TSPEAR: variants seen among roughly 807,000 people sequenced by gnomAD.
The protein encoded by TSPEAR is thrombospondin-type laminin G domain and EAR repeat-containing protein.
TSPEAR carries 69 observed loss-of-function variants against 71.6 expected under a neutral mutation model. The observed-to-expected ratio is 0.96, with a 90% CI of 0.79 to 1.18. The LOEUF is 1.18. Among genes scored for constraint, TSPEAR ranks in the 50% most tolerant of loss-of-function variants. TSPEAR has a pLI of 0.00. For missense variants in TSPEAR, 971 were observed against 894.9 expected, an observed-to-expected ratio of 1.09 and a Z score of -1.09; for synonymous variants, 402 against 387.2, an observed-to-expected ratio of 1.04 and a Z score of -0.45.
intron 1 of TSPEAR, chr21:44,677,533 G>T: frequency 2.4e-6 from 2 of 832,884 alleles, no homozygotes; most frequent in South Asian, 1.4e-5. Flanking sequence ...TCTTCACATG[G>T]TCGTTCCCTT....
At chr21:44,505,867 A>G (rs889709923) in intron 10 of TSPEAR, among the ~76,000 whole-genome samples, 2 of 152,068 alleles carry the variant, frequency 1.3e-5, no homozygotes, top group African/African-American at 4.8e-5. Context: ...TGCTATGAAC[A>G]CCGGGGTACA....
At chr21:44,569,365 C>T (rs917851952) in intron 1 of TSPEAR, among the ~76,000 whole-genome samples, 2 of 152,190 alleles carry the variant, frequency 1.3e-5, no homozygotes, top group Non-Finnish European at 2.9e-5. Flanking sequence ...TTACAAAAAC[C>T]GGATGTGACG....
intron 11 of TSPEAR, among the ~76,000 whole-genome samples, chr21:44,502,325 CA>C (rs1404054875): frequency 1.3e-5 from 2 of 152,162 alleles, no homozygotes; most frequent in Non-Finnish European, 2.9e-5. Flanking sequence ...GCTACATAAT[CA>C]ATTAGAACAC....
At chr21:44,590,652 G>A (rs587717681) in intron 1 of TSPEAR, among the ~76,000 whole-genome samples, 2 of 152,204 alleles carry the variant, frequency 1.3e-5, no homozygotes, top group African/African-American at 4.8e-5. Flanking sequence ...GTCCATAGCT[G>A]GTCTCCCCAG....
At position 44,538,966 on chromosome 21, in the gene TSPEAR, C is replaced by T. The variant is rs1688462449; in HGVS notation, c.304-5043G>A. 1.4e-5 allele frequency: 7 copies of T among 490,902 alleles called. No homozygotes were observed. The South Asian group carries it at 1.7e-4, about 12-fold the overall frequency. 30.4% of individuals were successfully genotyped at this position (490,902 alleles called of 1,614,324 possible). On this transcript the variant is annotated intron_variant, in intron 2 of 11. Transcript: ENST00000323084. The stretch of plus-strand genomic sequence containing the variant: ...CAAAACCATGTGTCCCCCAGGAACA[C>T]AACAGAAAAGAGAATCAGGTGACCA...
At chr21:44,524,058 ATCAG>A (rs1279914482) in intron 8 of TSPEAR, among the ~76,000 whole-genome samples, 8 of 151,158 alleles carry the variant, frequency 5.3e-5, no homozygotes, top group Non-Finnish European at 1.0e-4. Context: ...TCACTCAGTC[ATCAG>A]TCAGTCAGGT....
intron 2 of TSPEAR, among the ~76,000 whole-genome samples, chr21:44,563,733 A>C (rs2053669188): frequency 6.6e-6 from 1 of 152,220 alleles, no homozygotes; most frequent in Non-Finnish European, 1.5e-5. Context: ...AGGAAATAAT[A>C]TACCATTGTT....
intron 1 of TSPEAR, among the ~76,000 whole-genome samples, chr21:44,583,002 CTTTTT>C (rs35000802): frequency 3.0e-4 from 45 of 151,596 alleles, no homozygotes; most frequent in Non-Finnish European, 5.1e-4. Context: ...TTCTTTCTTT[CTTTTT>C]TTTTTTGTAT....
intron 2 of TSPEAR, among the ~76,000 whole-genome samples, chr21:44,542,091 A>G (rs1233895217): frequency 6.6e-6 from 1 of 152,236 alleles, no homozygotes; most frequent in Non-Finnish European, 1.5e-5. Flanking sequence ...TAGAGAACAA[A>G]TGGAGAATTT....
intron 1 of TSPEAR, among the ~76,000 whole-genome samples, chr21:44,660,423 G>C (rs1379943628): frequency 6.6e-6 from 1 of 152,162 alleles, no homozygotes; most frequent in Non-Finnish European, 1.5e-5. Context: ...AAGGACAAAG[G>C]TAGAGTTTAC....
In TSPEAR at chr21:44,689,712, A is replaced by ATATATATGTATATATATATATATATATAT. The variant is rs1555949491; in HGVS notation, c.82+21720_82+21721insATATATATATATATATATATACATATATA. Among the ~76,000 whole-genome samples the ATATATATGTATATATATATATATATATAT allele has an allele frequency of 2.3e-4, 14 of 62,036 alleles. 1 individual carries two copies. Among genetic ancestry groups the ATATATATGTATATATATATATATATATAT allele is most frequent in the Non-Finnish European group, 3.7e-4 (13 of 35,142 alleles). The allele number at this position is 62,036 out of a possible 152,430, so 40.7% of individuals were successfully genotyped here. A position where few individuals can be genotyped will look rare whatever the true frequency, so the allele number is the denominator to read the frequency against. On this transcript the variant is annotated intron_variant, in intron 1 of 11. Coordinates refer to ENST00000323084, the MANE Select transcript of TSPEAR (RefSeq NM_144991.3). Reference sequence around the variant, plus strand: ...TCCCTTAGAGGGACAGAATAGAATGAATATATATATATATATATATATATA... The same window carrying ATATATATGTATATATATATATATATATAT: ...TCCCTTAGAGGGACAGAATAGAATGATATATATGTATATATATATATATATATATATATATATATATATATATATATATA...
In TSPEAR at chr21:44,531,036, T is replaced by C. The variant is rs782650545; in HGVS notation, c.633+7A>G. 3.7e-6 allele frequency: 6 copies of C among 1,612,566 alleles called. No individual in the cohort carries two copies. In the Admixed American group the frequency reaches 1.0e-4, roughly 27 times the overall value. ...GGGTGTTGGGAAGGCAGCCCCTCCA[T>C]ACTCGCCATGAACAGGCCTTTGGCT... On this transcript the variant is annotated splice_region_variant and intron_variant, in intron 4 of 11. Transcript: ENST00000323084.
At position 44,499,791 on chromosome 21, in the gene TSPEAR, T is replaced by TC; in HGVS notation, c.2001dup (p.Thr668AspfsTer26). On this transcript the variant is annotated frameshift_variant, in exon 12 of 12. Coordinates refer to ENST00000323084, the MANE Select transcript of TSPEAR (RefSeq NM_144991.3). LOFTEE classifies it high-confidence loss of function. ...GCCGGGCAGCCGCGGCCTCAGCGTG[T>TC]CCTCAGCCGCAGGACCCTGGAGAGG... The TC allele has an allele frequency of 6.4e-7, 1 of 1,567,952 alleles. No homozygotes were observed. Among genetic ancestry groups the TC allele is most frequent in the East Asian group, 2.4e-5 (1 of 41,982 alleles).
intron 1 of TSPEAR, among the ~76,000 whole-genome samples, chr21:44,590,556 G>A (rs1228606492): frequency 2.6e-5 from 4 of 152,318 alleles, no homozygotes; most frequent in African/African-American, 9.6e-5. Flanking sequence ...CACGAATACT[G>A]GGCTGCTGGG....
rs1980130956 is a variant in TSPEAR at position 44,593,367 on chromosome 21, C to T, written c.83-25362G>A. Reference sequence around the variant, plus strand: ...GTCTTCCAAGCCCTGTGCCAGGCCTCTTAGTGTCACCACCTTAAAATTAAG... The same window carrying T: ...GTCTTCCAAGCCCTGTGCCAGGCCTTTTAGTGTCACCACCTTAAAATTAAG... On this transcript the variant is annotated intron_variant, in intron 1 of 11. Transcript: ENST00000323084. This position sits in a 1 kb window ranked among gnomAD's most constrained non-coding sequence, Gnocchi z 5.9. Among the ~76,000 whole-genome samples the T allele has an allele frequency of 1.3e-5, 2 of 152,204 alleles. No individual in the cohort carries two copies. The highest frequency in any genetic ancestry group is 1.3e-4 in the Admixed American group (2 of 15,284).
chr21:44,689,743 T>TG (rs1301751493), intron 1 of TSPEAR, among the ~76,000 whole-genome samples: 8 of 47,922 alleles, frequency 1.7e-4, no homozygotes, highest in East Asian at 5.1e-4. Context: ...ATATATATTT[T>TG]GGGGGGGGTT....
At chr21:44,503,485 A>C (rs113313137) in intron 11 of TSPEAR, among the ~76,000 whole-genome samples, 82 of 85,264 alleles carry the variant, frequency 9.6e-4, no homozygotes, top group Middle Eastern at 0.025. Context: ...CGGGGGGAAG[A>C]AAGGCTCTGG....
intron 1 of TSPEAR, chr21:44,676,383 T>C: frequency 1.8e-6 from 2 of 1,121,724 alleles, no homozygotes; most frequent in South Asian, 1.2e-5. Flanking sequence ...CAGCAGGCAT[T>C]TCTGCAGATG....
chr21:44,500,029 G>C, intron 11 of TSPEAR, 93 bp from the exon 12 acceptor site: 1 of 1,339,688 alleles, frequency 7.5e-7, no homozygotes, highest in Non-Finnish European at 1.0e-6. Context: ...GGACCCAGCA[G>C]CTCTGGGTCA....
Sources: gnomAD v4.1 joint callset for allele counts (sites outside exome capture counted in the v4.1 genomes callset) on GRCh38, gnomAD v4.1.1 for gene constraint, Gnocchi (gnomAD v3.1) non-coding constraint, MANE v1.5 for transcripts, NCBI Gene and HGNC (gene_info 2026-07-23, HGNC 2026-07-21) for gene names.